The following DEFB134 variants were observed in gnomAD, a reference collection of about 807,000 sequenced individuals.
DEFB134 encodes defensin beta 134.
DEFB134 carries 7 observed loss-of-function variants against 7.4 expected under a neutral mutation model. The ratio of observed to expected loss-of-function variants is 0.95; its 90% CI spans 0.54 to 1.79. The LOEUF is 1.79. Ranked by LOEUF, DEFB134 falls within the 40% of genes most tolerant of loss-of-function variation. The probability of loss-of-function intolerance (pLI) is 0.00; values close to 1 mark genes in which losing one functional copy is unlikely to be tolerated. For missense variants in DEFB134, 105 were observed against 74.8 expected, an observed-to-expected ratio of 1.40 and a Z score of -1.49; for synonymous variants, 33 against 25.0, an observed-to-expected ratio of 1.32 and a Z score of -0.96.
chr8:11,994,894 T>C (rs953423097), intron 1 of DEFB134, among the ~76,000 whole-genome samples: 7 of 152,212 alleles, frequency 4.6e-5, no homozygotes, highest in African/African-American at 7.2e-5. Flanking sequence ...AGTGCAATGA[T>C]GTATTTGCAA....
chr8:11,996,130 G>C lies in DEFB134; in HGVS notation c.58+64C>G. ...CCCATGGGTGGTGTATGTTTATTGG[G>C]TTGTTTAGTGGCATTGTTCTTCTAT... On this transcript the variant is annotated intron_variant, in intron 1 of 1. Coordinates refer to ENST00000526438, the Ensembl canonical transcript of DEFB134. 4 of 1,585,636 alleles carry C rather than the reference G, an allele frequency of 2.5e-6. No homozygotes were observed. In the South Asian group the frequency reaches 3.3e-5, roughly 13 times the overall value.
upstream of DEFB134, among the ~76,000 whole-genome samples, chr8:12,000,456 T>C (rs777537619): frequency 1.8e-4 from 28 of 152,190 alleles, no homozygotes; most frequent in Non-Finnish European, 3.5e-4. Context: ...TATATAGTAG[T>C]TATTCCTTAT....
At chr8:11,997,058 G>C (rs1800143212), upstream of DEFB134, among the ~76,000 whole-genome samples, 2 of 152,074 alleles carry the variant, frequency 1.3e-5, no homozygotes, top group African/African-American at 2.4e-5. Context: ...CATGCCTTCT[G>C]TAATATTCCC....
At chr8:11,994,964 C>T (rs1043344225) in intron 1 of DEFB134, among the ~76,000 whole-genome samples, 2 of 152,148 alleles carry the variant, frequency 1.3e-5, no homozygotes, top group Non-Finnish European at 2.9e-5. Context: ...TTTGAGAAGT[C>T]TTATTGAAGC....
chr8:11,994,280 G>A (rs976451813), intron 1 of DEFB134, among the ~76,000 whole-genome samples, 158 bp from the exon 3 acceptor site: 1 of 152,118 alleles, frequency 6.6e-6, no homozygotes, highest in Non-Finnish European at 1.5e-5. Flanking sequence ...GGGCTGAATT[G>A]TGTCACCCCA....
upstream of DEFB134, chr8:11,999,253 T>A (rs1414763341): frequency 4.8e-6 from 1 of 208,058 alleles, no homozygotes; most frequent in African/African-American, 2.4e-5. Flanking sequence ...TCATAAACAG[T>A]ATAAAGAATT....
At chr8:11,996,796 G>A (rs78200062), upstream of DEFB134, among the ~76,000 whole-genome samples, 5 of 152,026 alleles carry the variant, frequency 3.3e-5, no homozygotes, top group Non-Finnish European at 7.4e-5. Flanking sequence ...TTTGTAACTT[G>A]ATATATACTA....
At chr8:11,993,545 A>G (rs1354970430) in exon 2 of DEFB134, 1 of 155,498 alleles carries the variant, frequency 6.4e-6, no homozygotes, top group African/African-American at 2.4e-5. Context: ...AGAGATGTAC[A>G]AGGTTGTCAG....
intron 1 of DEFB134, 75 bp from the exon 3 acceptor site, chr8:11,994,197 T>G: frequency 6.7e-7 from 1 of 1,498,100 alleles, no homozygotes. Context: ...CCCTCAATTT[T>G]TATCCAACCG....
At chr8:11,998,851 A>G (rs1800194562), upstream of DEFB134, among the ~76,000 whole-genome samples, 2 of 152,178 alleles carry the variant, frequency 1.3e-5, no homozygotes, top group African/African-American at 4.8e-5. Context: ...GAGAAAGAGG[A>G]TATTACCACT....
rs1800047742 is a variant in DEFB134, at chr8:11,993,982, AG to A, written c.198del (p.Ter67AspfsTer6). 2 of 1,611,740 alleles carry A rather than the reference AG, an allele frequency of 1.2e-6. No homozygotes were observed. The highest frequency in any genetic ancestry group is 1.7e-6 in the Non-Finnish European group (2 of 1,179,330). ...TGGCCATTCATTGGTTTCTTATGTC[AG>A]GGTGCAGGATTTCCTTTGACACAGC... On this transcript the variant is annotated frameshift_variant, in exon 2 of 2. Transcript: ENST00000526438. LOFTEE classifies it high-confidence loss of function.
chr8:11,994,817 T>C (rs947380183), intron 1 of DEFB134, among the ~76,000 whole-genome samples: 7 of 152,204 alleles, frequency 4.6e-5, no homozygotes, highest in African/African-American at 1.7e-4. Flanking sequence ...TTAACCTCAA[T>C]GAATTTTCAT....
intron 1 of DEFB134, 78 bp downstream of exon 2, chr8:11,996,116 T>C: frequency 1.3e-6 from 2 of 1,532,130 alleles, no homozygotes; most frequent in Non-Finnish European, 1.8e-6. Context: ...CCATGGGTGG[T>C]GTATGTTTAT....
chr8:11,998,794 G>T (rs770404364), upstream of DEFB134, among the ~76,000 whole-genome samples: 6 of 152,070 alleles, frequency 3.9e-5, no homozygotes, highest in Non-Finnish European at 8.8e-5. Flanking sequence ...TATTTAGACT[G>T]CTAGCTAGAC....
Position 11,996,307 on chromosome 8 carries a change from G to C in DEFB134, c.-56C>G, listed in dbSNP as rs979751862. On this transcript the variant is annotated 5_prime_UTR_variant, in exon 1 of 2. Coordinates refer to ENST00000526438, the Ensembl canonical transcript of DEFB134. ...GCAGGGTCTGACATCGGCTGTCAGG[G>C]AACAGAGAGAAGAGGTTGAGCACAC... 6 of 1,593,112 alleles carry C rather than the reference G, an allele frequency of 3.8e-6. No individual in the cohort carries two copies. In the African/African-American group the frequency reaches 8.1e-5, roughly 21 times the overall value.
chr8:11,995,686 T>G (rs552522194), intron 1 of DEFB134, among the ~76,000 whole-genome samples: 1 of 152,338 alleles, frequency 6.6e-6, no homozygotes, highest in African/African-American at 2.4e-5. Context: ...TGCAGTATAT[T>G]AGAAAATTAA....
At chr8:11,998,405 T>G (rs902787568), upstream of DEFB134, among the ~76,000 whole-genome samples, 2 of 151,916 alleles carry the variant, frequency 1.3e-5, no homozygotes, top group African/African-American at 4.8e-5. Context: ...AAGCTGTGGT[T>G]GTCCTGCTCC....
upstream of DEFB134, among the ~76,000 whole-genome samples, chr8:12,000,330 T>C (rs1585095513): frequency 6.6e-6 from 1 of 152,194 alleles, no homozygotes; most frequent in African/African-American, 2.4e-5. Context: ...GACTGTCTTA[T>C]TTATCATTTT....
chr8:11,994,171 C>A, intron 1 of DEFB134, 49 bp from the exon 3 acceptor site: 1 of 1,553,866 alleles, frequency 6.4e-7, no homozygotes, highest in Non-Finnish European at 8.7e-7. Context: ...CCTTTTTGGA[C>A]CATAAAATTG....
Sources: gnomAD v4.1 joint callset for allele counts (sites outside exome capture counted in the v4.1 genomes callset) on GRCh38, gnomAD v4.1.1 for gene constraint, MANE v1.5 for transcripts, NCBI Gene and HGNC (gene_info 2026-07-23, HGNC 2026-07-21) for gene names.